The following TCF7L1 variants were observed in gnomAD, a reference collection of about 807,000 sequenced individuals.
TCF7L1 encodes the protein transcription factor 7-like 1.
A neutral mutation model predicts 63.7 loss-of-function variants in TCF7L1; 18 were observed. The ratio of observed to expected loss-of-function variants is 0.28; its 90% confidence interval spans 0.20 to 0.42. TCF7L1 has a LOEUF of 0.42. Among genes scored for constraint, TCF7L1 ranks in the 10% least tolerant of loss-of-function variants. The pLI, the probability that TCF7L1 is intolerant of heterozygous loss-of-function variation, is 1.00. For synonymous variants in TCF7L1, 355 were observed against 340.9 expected (o/e 1.04, Z -0.46); for missense variants, 654 against 779.3 (o/e 0.84, Z 1.91).
chr2:85,173,664 A>G (rs1316070051), intron 3 of TCF7L1, among the ~76,000 whole-genome samples: 3 of 152,216 alleles, frequency 2.0e-5, no homozygotes, highest in African/African-American at 7.2e-5. Flanking sequence ...TTGGAACTAT[A>G]GGCACATACT....
chr2:85,137,664 G>C (rs1040105404), intron 3 of TCF7L1, among the ~76,000 whole-genome samples: 6 of 152,186 alleles, frequency 3.9e-5, no homozygotes, highest in Non-Finnish European at 5.9e-5. Flanking sequence ...AGGCCAAGGC[G>C]GGCGGATCAC....
At chr2:85,147,038 T>G (rs17711242) in intron 3 of TCF7L1, among the ~76,000 whole-genome samples, 6,042 of 152,330 alleles carry the variant, frequency 0.04, 181 homozygotes, top group Admixed American at 0.061. Context: ...TTAAATATCA[T>G]AGGTGAGATG....
intron 4 of TCF7L1, among the ~76,000 whole-genome samples, chr2:85,287,457 CCAAA>C (rs1372783688): frequency 2.0e-5 from 3 of 152,156 alleles, no homozygotes; most frequent in African/African-American, 7.2e-5. Context: ...GTTCCAACTG[CCAAA>C]CAAACATCTA....
intron 3 of TCF7L1, among the ~76,000 whole-genome samples, chr2:85,150,914 C>A (rs1481902984): frequency 6.6e-6 from 1 of 151,966 alleles, no homozygotes; most frequent in African/African-American, 2.4e-5. Flanking sequence ...TGACAGTTGC[C>A]AAATTGATGA....
chr2:85,209,438 C>G (rs1389352752), intron 3 of TCF7L1, among the ~76,000 whole-genome samples: 1 of 152,212 alleles, frequency 6.6e-6, no homozygotes, highest in Non-Finnish European at 1.5e-5. Flanking sequence ...TGCTGGGAAT[C>G]CTGCTGCTTT....
intron 3 of TCF7L1, among the ~76,000 whole-genome samples, chr2:85,220,486 C>A (rs1016254963): frequency 6.6e-6 from 1 of 152,150 alleles, no homozygotes; most frequent in African/African-American, 2.4e-5. Context: ...CTGCCTCAGC[C>A]TTCCGAGCAG....
At position 85,306,499 on chromosome 2, in the gene TCF7L1, C is replaced by A. The variant is rs764946051; in HGVS notation, c.1197C>A (p.Ala399=). The A allele has an allele frequency of 8.7e-6, 14 of 1,614,054 alleles. No homozygotes were observed. Among genetic ancestry groups the A allele is most frequent in the Middle Eastern group, 1.6e-4 (1 of 6,084 alleles). ...AACAGGCCAAGTACTACGAGCTGGC[C>A]CGGAAGGAGCGGCAGCTTCACTCGC... ...REEQAKYYEL[A]RKERQLHSQL... The change falls in exon 10 of 12, where the codon GCC becomes GCA. Residue 399 remains alanine (A), a synonymous_variant. Transcript: ENST00000282111. The surrounding 1 kb of genome is among the most constrained non-coding windows in gnomAD (Gnocchi z 4.3).
chr2:85,263,968 G>A (rs2104349144), intron 3 of TCF7L1, among the ~76,000 whole-genome samples: 1 of 152,340 alleles, frequency 6.6e-6, no homozygotes, highest in South Asian at 2.1e-4. Flanking sequence ...GTCAGCAGTG[G>A]CCTTAGCGAA....
intron 3 of TCF7L1, among the ~76,000 whole-genome samples, chr2:85,220,376 A>G (rs751439500): frequency 5.3e-5 from 8 of 151,516 alleles, no homozygotes; most frequent in Middle Eastern, 3.2e-3. Context: ...ATATATATGT[A>G]TATATATTTT....
chr2:85,212,039 G>A (rs1364411418), intron 3 of TCF7L1, among the ~76,000 whole-genome samples: 1 of 133,402 alleles, frequency 7.5e-6, no homozygotes, highest in African/African-American at 2.8e-5. Context: ...GCAGTGAGCT[G>A]AGATCACGCC....
chr2:85,136,047 G>A (rs1372489164), intron 3 of TCF7L1, among the ~76,000 whole-genome samples: 2 of 152,056 alleles, frequency 1.3e-5, no homozygotes, highest in Non-Finnish European at 2.9e-5. Flanking sequence ...GTAACTTTGC[G>A]TATGGGGGAG....
At chr2:85,241,950 T>A (rs74262917) in intron 3 of TCF7L1, among the ~76,000 whole-genome samples, 1 of 151,738 alleles carries the variant, frequency 6.6e-6, no homozygotes, top group East Asian at 1.9e-4. Context: ...AATAGTTTGC[T>A]TTTTGGTAAA....
At chr2:85,215,775 G>T (rs1338383128) in intron 3 of TCF7L1, among the ~76,000 whole-genome samples, 108 of 128,616 alleles carry the variant, frequency 8.4e-4, no homozygotes, top group Non-Finnish European at 1.4e-3. Flanking sequence ...GGTGGGGGGG[G>T]GTGAGGGGGG....
intron 7 of TCF7L1, 155 bp downstream of exon 7, chr2:85,304,493 C>T: frequency 1.5e-6 from 1 of 683,426 alleles, no homozygotes; most frequent in Non-Finnish European, 2.4e-6. Context: ...GTCCCGCGCT[C>T]CCCACCCCCA....
intron 3 of TCF7L1, among the ~76,000 whole-genome samples, chr2:85,250,360 C>T (rs1680559795): frequency 6.6e-6 from 1 of 152,160 alleles, no homozygotes; most frequent in African/African-American, 2.4e-5. Flanking sequence ...CCTTGCCACA[C>T]ACAGGAATTG....
At chr2:85,245,557 A>G (rs1216437804) in intron 3 of TCF7L1, among the ~76,000 whole-genome samples, 1 of 152,162 alleles carries the variant, frequency 6.6e-6, no homozygotes, top group Non-Finnish European at 1.5e-5. Context: ...TCACATCTGT[A>G]ATCCCAGCAC....
chr2:85,141,564 C>A (rs139500086), intron 3 of TCF7L1, among the ~76,000 whole-genome samples: 53 of 152,220 alleles, frequency 3.5e-4, no homozygotes, highest in African/African-American at 1.3e-3. Context: ...ATTTCAAAAG[C>A]CTGGCTATGG....
intron 3 of TCF7L1, among the ~76,000 whole-genome samples, chr2:85,191,151 C>T (rs1342013994): frequency 3.9e-5 from 6 of 151,952 alleles, no homozygotes; most frequent in African/African-American, 1.2e-4. Flanking sequence ...CTGCCAGTGC[C>T]GAGTGGTGGT....
intron 3 of TCF7L1, among the ~76,000 whole-genome samples, chr2:85,266,161 C>T (rs1361595061): frequency 6.6e-6 from 1 of 152,222 alleles, no homozygotes; most frequent in Admixed American, 6.5e-5. Context: ...ATAATTGCAG[C>T]ATAAGGCATT....
Sources: gnomAD v4.1 joint callset for allele counts (sites outside exome capture counted in the v4.1 genomes callset) on GRCh38, gnomAD v4.1.1 for gene constraint, Gnocchi (gnomAD v3.1) non-coding constraint, MANE v1.5 for transcripts, NCBI Gene and HGNC (gene_info 2026-07-23, HGNC 2026-07-21) for gene names.